ADCYAP1R1: variants seen among roughly 807,000 people sequenced by gnomAD.
ADCYAP1R1 encodes pituitary adenylate cyclase-activating polypeptide type I receptor.
A neutral mutation model predicts 67.6 loss-of-function variants in ADCYAP1R1; 44 were observed. The ratio of observed to expected loss-of-function variants is 0.65; its 90% CI spans 0.51 to 0.84. The LOEUF is 0.84. Among genes scored for constraint, ADCYAP1R1 ranks in the 40% least tolerant of loss-of-function variants. The pLI, the probability that ADCYAP1R1 is intolerant of heterozygous loss-of-function variation, is 0.00. For missense variants in ADCYAP1R1, 477 were observed against 587.9 expected (o/e 0.81, Z 1.95); for synonymous variants, 222 against 219.6 (o/e 1.01, Z -0.10).
chr7:31,063,437 C>T, intron 2 of ADCYAP1R1, 122 bp downstream of exon 2: 1 of 1,088,404 alleles, frequency 9.2e-7, no homozygotes, highest in Non-Finnish European at 1.4e-6. Context: ...TCTGCCAACA[C>T]CACCACTGGG....
chr7:31,106,092 A>G (rs1378385279), intron 15 of ADCYAP1R1, among the ~76,000 whole-genome samples: 1 of 152,186 alleles, frequency 6.6e-6, no homozygotes, highest in Admixed American at 6.5e-5. Flanking sequence ...GGAATTTTTA[A>G]AGCCCCCCAG....
chr7:31,085,472 T>C (rs1287655796), intron 9 of ADCYAP1R1, 30 bp downstream of exon 9: 2 of 1,604,382 alleles, frequency 1.2e-6, no homozygotes, highest in African/African-American at 2.7e-5. Flanking sequence ...CCATTAGGGC[T>C]CTGCCGGGAA....
chr7:31,077,388 T>G (rs1795285433), intron 3 of ADCYAP1R1, among the ~76,000 whole-genome samples: 1 of 149,778 alleles, frequency 6.7e-6, no homozygotes. Flanking sequence ...GTGAGTGGTG[T>G]GTATGTGATG....
chr7:31,092,974 G>A (rs994090252), intron 13 of ADCYAP1R1, among the ~76,000 whole-genome samples: 1 of 152,196 alleles, frequency 6.6e-6, no homozygotes, highest in African/African-American at 2.4e-5. Flanking sequence ...GAGAGAGAGA[G>A]AGCCTGAGAG....
chr7:31,078,743 A>T (rs2128626334), intron 4 of ADCYAP1R1, among the ~76,000 whole-genome samples: 1 of 152,338 alleles, frequency 6.6e-6, no homozygotes, highest in South Asian at 2.1e-4. Context: ...GCCCTCAGGC[A>T]GTTACACGGG....
chr7:31,081,277 C>A (rs975766766), intron 5 of ADCYAP1R1, among the ~76,000 whole-genome samples: 1 of 152,084 alleles, frequency 6.6e-6, no homozygotes, highest in Non-Finnish European at 1.5e-5. Context: ...TTCCCTTTGA[C>A]GGAGAGCAGT....
rs4540319 is a variant in ADCYAP1R1 at position 31,109,439 on chromosome 7, T to G, written c.*2755T>G. 40,982 of 152,056 alleles carry G rather than the reference T, an allele frequency of 0.27. 6,408 individuals carry two copies. Among genetic ancestry groups the G allele is most frequent in the East Asian group, 0.69 (3,571 of 5,142 alleles). The allele number at this position is 152,056 out of a possible 1,614,324, so 9.4% of individuals were successfully genotyped here. ...TCTGTCTAAACACCAGCCATCTACTTGGAATGGGCCCCAGGACTGTGGTAT... is the reference window on the plus strand; with the variant it reads ...TCTGTCTAAACACCAGCCATCTACTGGGAATGGGCCCCAGGACTGTGGTAT... On this transcript the variant is annotated 3_prime_UTR_variant, in exon 16 of 16. Transcript: ENST00000304166.
chr7:31,084,587 T>A, intron 7 of ADCYAP1R1, 150 bp from the exon 8 acceptor site: 2 of 689,442 alleles, frequency 2.9e-6, no homozygotes, highest in Admixed American at 4.2e-5. Context: ...GGGTGGGAGG[T>A]GGTGGAGATG....
intron 15 of ADCYAP1R1, 143 bp downstream of exon 15, chr7:31,105,052 C>A: frequency 3.5e-6 from 3 of 846,702 alleles, no homozygotes; most frequent in South Asian, 2.9e-5. Context: ...AGGGGCTGGT[C>A]ATACAGCTCC....
At position 31,106,485 on chromosome 7, in the gene ADCYAP1R1, G is replaced by C; in HGVS notation, c.1219-11G>C. On this transcript the variant is annotated splice_polypyrimidine_tract_variant and intron_variant, in intron 15 of 15. Coordinates refer to ENST00000304166, the MANE Select transcript of ADCYAP1R1 (RefSeq NM_001118.5). The stretch of plus-strand genomic sequence containing the variant: ...CCATCTGGAAGTGACCGCCCAGTTT[G>C]CTCCCTGCAGGTACAAGCGGAGATC... 6.3e-7 allele frequency: 1 copy of C among 1,595,340 alleles called. No individual in the cohort carries two copies. Among genetic ancestry groups the C allele is most frequent in the Non-Finnish European group, 8.5e-7 (1 of 1,170,242 alleles).
intron 13 of ADCYAP1R1, among the ~76,000 whole-genome samples, chr7:31,099,187 C>G (rs904667048): frequency 2.6e-5 from 4 of 152,154 alleles, no homozygotes; most frequent in African/African-American, 9.7e-5. Context: ...CCTGGGCCCC[C>G]CTCCTTGAGG....
rs1207814130 is a variant in ADCYAP1R1, at chr7:31,086,805, G to A, written c.824-138G>A. ...AGATATAGACCCTCAGGAGGCCTGG[G>A]TGTGAGGGACAGTTAGAATTCCCAG... is the stretch of plus-strand genomic sequence containing the variant. On this transcript the variant is annotated intron_variant, in intron 10 of 15. Coordinates refer to ENST00000304166, the MANE Select transcript of ADCYAP1R1 (RefSeq NM_001118.5). This position sits in a 1 kb window ranked among gnomAD's most constrained non-coding sequence, Gnocchi z 5.0. 6 of 1,001,454 alleles carry A rather than the reference G, an allele frequency of 6.0e-6. No individual in the cohort carries two copies. In the African/African-American group the frequency reaches 9.5e-5, roughly 16 times the overall value. 62.0% of individuals were successfully genotyped at this position (1,001,454 alleles called of 1,614,324 possible).
At chr7:31,054,752 G>A (rs759356769) in intron 1 of ADCYAP1R1, among the ~76,000 whole-genome samples, 5 of 152,220 alleles carry the variant, frequency 3.3e-5, no homozygotes, top group East Asian at 1.9e-4. Context: ...GTGCAGAGCC[G>A]GAGCTTAGCT....
At chr7:31,100,867 G>A (rs1252314477) in intron 13 of ADCYAP1R1, among the ~76,000 whole-genome samples, 1 of 152,150 alleles carries the variant, frequency 6.6e-6, no homozygotes, top group Non-Finnish European at 1.5e-5. Context: ...TTTACTTAAG[G>A]TGCCATTGCT....
chr7:31,056,847 T>A (rs1794268212), intron 1 of ADCYAP1R1: 1 of 152,296 alleles, frequency 6.6e-6, no homozygotes, highest in African/African-American at 2.4e-5. Flanking sequence ...CTCCACCTTC[T>A]CATCCACCTC....
chr7:31,069,628 C>G (rs74584446), intron 3 of ADCYAP1R1, among the ~76,000 whole-genome samples: 5,800 of 152,194 alleles, frequency 0.038, 157 homozygotes, highest in Middle Eastern at 0.099. Context: ...CCAGGGGGAT[C>G]CAGGAAAGTA....
chr7:31,087,332 T>C lies in ADCYAP1R1; in HGVS notation c.885-295T>C, dbSNP rs142346951. On this transcript the variant is annotated intron_variant, in intron 11 of 15. Transcript: ENST00000304166. ...CACATCCTAAGAGCTGTAGGTCTTA[T>C]GGGGAAAAATGGTCCTTTCCCAGGA... is the stretch of plus-strand genomic sequence containing the variant. Among the ~76,000 whole-genome samples the C allele has an allele frequency of 2.3e-3, 351 of 152,310 alleles. 2 individuals are homozygous for C. The highest frequency in any genetic ancestry group is 8.1e-3 in the African/African-American group (335 of 41,580).
rs1369559215 is a variant in ADCYAP1R1 at position 31,104,926 on chromosome 7, C to G, written c.1218+17C>G. 9 of 1,613,968 alleles carry G rather than the reference C, an allele frequency of 5.6e-6. No individual in the cohort carries two copies. The highest frequency in any genetic ancestry group is 1.3e-5 in the African/African-American group (1 of 74,938). On this transcript the variant is annotated intron_variant, in intron 15 of 15. Coordinates refer to ENST00000304166, the MANE Select transcript of ADCYAP1R1 (RefSeq NM_001118.5). Reference sequence around the variant, plus strand: ...AATGGTGAGGTAAGACCTTGGCCCTCTGGCTTCTTGGCAGTGGAAGTGGGG... The same window carrying G: ...AATGGTGAGGTAAGACCTTGGCCCTGTGGCTTCTTGGCAGTGGAAGTGGGG...
rs1193013060 is a variant in ADCYAP1R1, at chr7:31,092,238, G to T, written c.955-406G>T. On this transcript the variant is annotated intron_variant, in intron 12 of 15. Coordinates refer to ENST00000304166, the MANE Select transcript of ADCYAP1R1 (RefSeq NM_001118.5). ...AGCCCTTTAATTAGCAATGCTTATG[G>T]CTGTCCATTCTGGTTCCCCATATTT... Among the ~76,000 whole-genome samples, 3 of 150,936 alleles carry T rather than the reference G, an allele frequency of 2.0e-5. No homozygotes were observed. The Admixed American group carries it at 2.0e-4, about 10-fold the overall frequency.
Sources: allele counts gnomAD v4.1 joint callset (sites outside exome capture counted in the v4.1 genomes callset), GRCh38; gene constraint gnomAD v4.1.1; non-coding constraint Gnocchi (gnomAD v3.1); transcripts MANE v1.5; gene names NCBI Gene and HGNC (gene_info 2026-07-23, HGNC 2026-07-21).